The following FAM171B variants were observed in gnomAD, a reference collection of about 807,000 sequenced individuals.
FAM171B encodes family with sequence similarity 171 member B, also known as protein FAM171B.
FAM171B carries 19 observed loss-of-function variants against 75.6 expected under a neutral mutation model. The observed-to-expected ratio is 0.25, with a 90% confidence interval of 0.18 to 0.37. FAM171B has a LOEUF of 0.37. FAM171B is among the 10% of genes least tolerant of loss of function. The pLI is 1.00. For synonymous variants in FAM171B, 367 were observed against 361.7 expected (o/e 1.01, Z -0.17); for missense variants, 848 against 982.4 (o/e 0.86, Z 1.83).
In FAM171B at chr2:186,764,759, T is replaced by A. The variant is rs1051375526; in HGVS notation, c.*1936T>A. The A allele has an allele frequency of 6.6e-6, 1 of 151,894 alleles. No individual in the cohort carries two copies. Among genetic ancestry groups the A allele is most frequent in the African/African-American group, 2.4e-5 (1 of 41,422 alleles). The allele number at this position is 151,894 out of a possible 1,614,324, so 9.4% of individuals were successfully genotyped here. A position where few individuals can be genotyped will look rare whatever the true frequency, so the allele number is the denominator to read the frequency against. On this transcript the variant is annotated 3_prime_UTR_variant, in exon 8 of 8. Transcript: ENST00000304698. ...ATGTTGGAACAATAAATATTGCATG[T>A]GAGTAGTATTTCTTGTTTTTTGAAT...
chr2:186,765,553 T>C lies in FAM171B; in HGVS notation c.*2730T>C, dbSNP rs1432309220. 6.6e-6 allele frequency: 1 copy of C among 152,054 alleles called. No individual in the cohort carries two copies. The highest frequency in any genetic ancestry group is 1.5e-5 in the Non-Finnish European group (1 of 67,950). The allele number at this position is 152,054 out of a possible 1,614,324, so 9.4% of individuals were successfully genotyped here. On this transcript the variant is annotated 3_prime_UTR_variant, in exon 8 of 8. Transcript: ENST00000304698. Reference sequence around the variant, plus strand: ...AATGTTGAGGAATGAAAGCACTTCTTTGCTTTGGCAATCATTTTCAGACCA... The same window carrying C: ...AATGTTGAGGAATGAAAGCACTTCTCTGCTTTGGCAATCATTTTCAGACCA...
chr2:186,748,570 T>G (rs1280492137), intron 4 of FAM171B, among the ~76,000 whole-genome samples: 2 of 152,184 alleles, frequency 1.3e-5, no homozygotes, highest in Non-Finnish European at 2.9e-5. Context: ...TGTCAACCAA[T>G]GACAGACAAA....
chr2:186,747,382 CTA>C, intron 4 of FAM171B, 132 bp downstream of exon 4: 1 of 487,862 alleles, frequency 2.0e-6, no homozygotes, highest in Non-Finnish European at 3.2e-6. Flanking sequence ...AGACATAAAT[CTA>C]GTTATTAAAA....
chr2:186,703,562 G>GGGTA (rs966358995), intron 1 of FAM171B, among the ~76,000 whole-genome samples: 39 of 152,310 alleles, frequency 2.6e-4, no homozygotes, highest in African/African-American at 8.4e-4. Context: ...GAAACAGGAT[G>GGGTA]GGTAGGTAGG....
At chr2:186,727,722 G>C (rs114781131) in intron 1 of FAM171B, among the ~76,000 whole-genome samples, 1 of 152,086 alleles carries the variant, frequency 6.6e-6, no homozygotes, top group Non-Finnish European at 1.5e-5. Flanking sequence ...TTGAATGCTA[G>C]CCTAAAACGT....
intron 1 of FAM171B, among the ~76,000 whole-genome samples, chr2:186,723,219 C>T (rs1309283359): frequency 6.6e-6 from 1 of 152,162 alleles, no homozygotes; most frequent in East Asian, 1.9e-4. Flanking sequence ...TCCACTGTTA[C>T]ATTCATGAGA....
rs1690668754 is a variant in FAM171B, at chr2:186,764,384, T to C, written c.*1561T>C. 2 of 147,426 alleles carry C rather than the reference T, an allele frequency of 1.4e-5. No homozygotes were observed. The highest frequency in any genetic ancestry group is 1.4e-4 in the Admixed American group (2 of 14,548). 9.1% of individuals were successfully genotyped at this position (147,426 alleles called of 1,614,324 possible). A position where few individuals can be genotyped will look rare whatever the true frequency, so the allele number is the denominator to read the frequency against. Reference sequence around the variant, plus strand: ...CTGTTCTGTGTTAACTGAAAGAACATAAAGACCCTAGGCAAATATTTGCTA... The same window carrying C: ...CTGTTCTGTGTTAACTGAAAGAACACAAAGACCCTAGGCAAATATTTGCTA... On this transcript the variant is annotated 3_prime_UTR_variant, in exon 8 of 8. Transcript: ENST00000304698.
intron 1 of FAM171B, among the ~76,000 whole-genome samples, chr2:186,703,393 T>G (rs1336345062): frequency 6.6e-6 from 1 of 152,210 alleles, no homozygotes; most frequent in African/African-American, 2.4e-5. Flanking sequence ...AATGTTCACT[T>G]TCAACTCATA....
At chr2:186,719,696 A>G (rs1003750699) in intron 1 of FAM171B, among the ~76,000 whole-genome samples, 1 of 152,226 alleles carries the variant, frequency 6.6e-6, no homozygotes, top group East Asian at 1.9e-4. Flanking sequence ...CTACAGTAAA[A>G]TAACATAGGA....
chr2:186,737,446 T>A (rs1690220260), intron 1 of FAM171B, among the ~76,000 whole-genome samples: 1 of 152,204 alleles, frequency 6.6e-6, no homozygotes, highest in South Asian at 2.1e-4. Context: ...AGCCTTGACC[T>A]CCTGGGCTAA....
intron 1 of FAM171B, among the ~76,000 whole-genome samples, chr2:186,717,979 T>C (rs1028880852): frequency 3.3e-5 from 5 of 152,164 alleles, no homozygotes; most frequent in South Asian, 2.1e-4. Context: ...AGGTGCTCAA[T>C]AAATGTTATT....
chr2:186,744,816 C>T (rs909877296), intron 3 of FAM171B, among the ~76,000 whole-genome samples: 20 of 148,508 alleles, frequency 1.3e-4, no homozygotes, highest in South Asian at 2.1e-4. Context: ...CATGAGCCAC[C>T]GTGCCTGACC....
intron 1 of FAM171B, among the ~76,000 whole-genome samples, chr2:186,700,092 AG>A (rs1187358888): frequency 1.3e-5 from 2 of 151,174 alleles, no homozygotes; most frequent in Non-Finnish European, 3.0e-5. Context: ...TTTTTAGCTC[AG>A]GGTGGCTTTG....
At chr2:186,707,632 C>CAACT (rs1689750669) in intron 1 of FAM171B, among the ~76,000 whole-genome samples, 1 of 152,080 alleles carries the variant, frequency 6.6e-6, no homozygotes, top group Non-Finnish European at 1.5e-5. Context: ...ACTGCAGTCT[C>CAACT]AACTCCAGCT....
intron 1 of FAM171B, among the ~76,000 whole-genome samples, chr2:186,738,619 AG>A (rs898594719): frequency 6.6e-6 from 1 of 152,148 alleles, no homozygotes; most frequent in African/African-American, 2.4e-5. Flanking sequence ...TTCAGTTTTT[AG>A]GTTTCAGGCT....
At chr2:186,729,553 G>A (rs1475293076) in intron 1 of FAM171B, among the ~76,000 whole-genome samples, 4 of 152,136 alleles carry the variant, frequency 2.6e-5, no homozygotes, top group Non-Finnish European at 4.4e-5. Flanking sequence ...GAAGCATCCC[G>A]TTTAAGTCAT....
rs1689774487 is a variant in FAM171B at position 186,709,151 on chromosome 2, ATTGCAAGGAC to A, written c.238+14741_238+14750del. 2.0e-5 allele frequency among the ~76,000 whole-genome samples: 3 copies of A among 152,124 alleles called. No individual in the cohort carries two copies. The South Asian group carries it at 6.2e-4, about 32-fold the overall frequency. On this transcript the variant is annotated intron_variant, in intron 1 of 7. Transcript: ENST00000304698. The stretch of plus-strand genomic sequence containing the variant: ...CGACCAGATCTTGTGAGTACTGACT[ATTGCAAGGAC>A]AGCACCCAGGGCATGGTGCTACATG...
intron 1 of FAM171B, among the ~76,000 whole-genome samples, chr2:186,719,907 A>G (rs1362244883): frequency 6.6e-6 from 1 of 152,244 alleles, no homozygotes; most frequent in Non-Finnish European, 1.5e-5. Flanking sequence ...AGGTCTAAAC[A>G]TACAGTAATA....
rs139234915 is a variant in FAM171B, at chr2:186,751,297, G to T, written c.888G>T (p.Met296Ile). 6.3e-7 allele frequency: 1 copy of T among 1,579,228 alleles called. No homozygotes were observed. Residue 296 changes from methionine to isoleucine, a missense_variant, in exon 5 of 8, where the codon ATG becomes ATT. Transcript: ENST00000304698. Reference sequence around the variant, plus strand: ...GCATACCTGCTTGGACATTTGATATGAACACAGGTATGTGAGCTAGGTTAA... The same window carrying T: ...GCATACCTGCTTGGACATTTGATATTAACACAGGTATGTGAGCTAGGTTAA... ...GDRIPAWTFDMNTGAWVNHGR... is the reference protein window; with the variant it reads ...GDRIPAWTFDINTGAWVNHGR...
Sources: allele counts gnomAD v4.1 joint callset (sites outside exome capture counted in the v4.1 genomes callset), GRCh38; gene constraint gnomAD v4.1.1; transcripts MANE v1.5; gene names NCBI Gene and HGNC (gene_info 2026-07-23, HGNC 2026-07-21).